The following ACACA variants were observed in gnomAD, a reference collection of about 807,000 sequenced individuals.
ACACA encodes acetyl-CoA carboxylase 1.
A neutral mutation model predicts 296.1 loss-of-function variants in ACACA; 103 were observed. The ratio of observed to expected loss-of-function variants is 0.35; its 90% CI spans 0.30 to 0.41. The LOEUF (loss-of-function observed/expected upper bound fraction) is 0.41. Among genes scored for constraint, ACACA ranks in the 10% least tolerant of loss-of-function variants. The pLI, the probability that ACACA is intolerant of heterozygous loss-of-function variation, is 1.00. For missense variants in ACACA, 1,554 were observed against 2,989.7 expected (o/e 0.52, Z 11.20); for synonymous variants, 953 against 1,038.6 (o/e 0.92, Z 1.58).
intron 25 of ACACA, among the ~76,000 whole-genome samples, chr17:37,232,332 T>C (rs1424544469): frequency 6.6e-6 from 1 of 152,122 alleles, no homozygotes; most frequent in East Asian, 1.9e-4. Context: ...AGCCAAGATA[T>C]GCAAAGAAAG....
chr17:37,404,570 ATTTTTTT>A (rs5820212), intron 1 of ACACA, among the ~76,000 whole-genome samples: 1 of 104,742 alleles, frequency 9.5e-6, no homozygotes, highest in Non-Finnish European at 1.9e-5. Flanking sequence ...TGCCACAGTG[ATTTTTTT>A]TTTTTTTTTT....
intron 52 of ACACA, among the ~76,000 whole-genome samples, chr17:37,108,586 C>G (rs1213781155): frequency 6.6e-6 from 1 of 152,098 alleles, no homozygotes; most frequent in Non-Finnish European, 1.5e-5. Context: ...CGGGGTTTCT[C>G]CATGTTGGTC....
intron 52 of ACACA, among the ~76,000 whole-genome samples, chr17:37,101,442 C>T (rs1203689597): frequency 6.7e-6 from 1 of 149,268 alleles, no homozygotes. Flanking sequence ...CCTTAGGAGT[C>T]TGGTATTCTT....
rs377181848 is a variant in ACACA, at chr17:37,179,326, G to A, written c.5013C>T (p.Tyr1671=). The change falls in exon 41 of 56, where the codon TAC becomes TAT. Residue 1671 remains tyrosine (Y), a synonymous_variant. Transcript: ENST00000616317. ...CTTGATCATCCAGTACCAGTTCAGT[G>A]TAAGTCAGCATGTCAGAAGGCAGAG... ...SPPLPSDMLT[Y]TELVLDDQGQ... The A allele has an allele frequency of 1.8e-5, 29 of 1,614,016 alleles. No individual in the cohort carries two copies. The Admixed American group carries it at 2.8e-4, about 16-fold the overall frequency.
At chr17:37,388,824 A>G in intron 1 of ACACA, 1 of 1,610,462 alleles carries the variant, frequency 6.2e-7, no homozygotes, top group Non-Finnish European at 8.5e-7. Context: ...GAATCCTTGA[A>G]CTTGACCCAT....
intron 43 of ACACA, among the ~76,000 whole-genome samples, chr17:37,152,136 T>C (rs1375391688): frequency 6.6e-6 from 1 of 151,936 alleles, no homozygotes; most frequent in African/African-American, 2.4e-5. Context: ...CACACAGGAG[T>C]GTGACTCTAG....
At chr17:37,216,052 A>G (rs1480614227) in intron 29 of ACACA, among the ~76,000 whole-genome samples, 1 of 150,020 alleles carries the variant, frequency 6.7e-6, no homozygotes, top group East Asian at 1.9e-4. Context: ...AAAAAATGAC[A>G]CATTAAAAAA....
At chr17:37,331,844 T>C (rs1238543161) in intron 2 of ACACA, among the ~76,000 whole-genome samples, 1 of 152,056 alleles carries the variant, frequency 6.6e-6, no homozygotes, top group Admixed American at 6.6e-5. Flanking sequence ...GCCTGGCCTA[T>C]GAATTTTACG....
intron 16 of ACACA, among the ~76,000 whole-genome samples, chr17:37,250,634 C>A (rs2080941185): frequency 6.7e-6 from 1 of 148,620 alleles, no homozygotes. Context: ...AAGGCTCCAT[C>A]TCAAAAAAAA....
intron 1 of ACACA, among the ~76,000 whole-genome samples, chr17:37,399,439 C>T (rs1471027583): frequency 6.6e-6 from 1 of 152,152 alleles, no homozygotes; most frequent in Non-Finnish European, 1.5e-5. Flanking sequence ...GTATAGACTG[C>T]CTGTCACCAA....
Position 37,221,780 on chromosome 17 carries a change from C to T in ACACA, c.3627G>A (p.Lys1209=). The T allele has an allele frequency of 6.2e-7, 1 of 1,614,138 alleles. No individual in the cohort carries two copies. The highest frequency in any genetic ancestry group is 8.5e-7 in the Non-Finnish European group (1 of 1,180,012). ...GGAATTCCACCACACAGGTGTTGTC[C>T]TTAAGCTGGCGGTGTTGTACGCTGT... ...ELNSVQHRQL[K]DNTCVVEFQF... The change falls in exon 29 of 56, where the codon AAG becomes AAA. Residue 1209 remains lysine, a synonymous_variant. Coordinates refer to ENST00000616317, the MANE Select transcript of ACACA (RefSeq NM_198834.3).
chr17:37,346,175 G>T (rs902185099), intron 1 of ACACA, among the ~76,000 whole-genome samples: 2 of 151,946 alleles, frequency 1.3e-5, no homozygotes, highest in Non-Finnish European at 2.9e-5. Flanking sequence ...TGGTTAGCCG[G>T]GCATGGAGGC....
intron 45 of ACACA, among the ~76,000 whole-genome samples, chr17:37,142,009 T>G (rs1270459891): frequency 8.6e-5 from 13 of 151,428 alleles, no homozygotes; most frequent in African/African-American, 3.2e-4. Context: ...TTTGTTTTTT[T>G]TTGTTTTTTT....
At chr17:37,401,904 G>A (rs1206477659) in intron 1 of ACACA, among the ~76,000 whole-genome samples, 5 of 152,110 alleles carry the variant, frequency 3.3e-5, no homozygotes, top group African/African-American at 9.7e-5. Context: ...TAGCAGCTGA[G>A]GACAAACTGT....
intron 1 of ACACA, among the ~76,000 whole-genome samples, chr17:37,403,156 T>A (rs866111498): frequency 2.0e-4 from 30 of 152,202 alleles, no homozygotes; most frequent in African/African-American, 7.2e-4. Context: ...TCCAATGAGC[T>A]GTAGACTTGT....
rs771491638 is a variant in ACACA, at chr17:37,263,802, A to G, written c.1212T>C (p.Tyr404=). The G allele has an allele frequency of 2.5e-6, 4 of 1,613,962 alleles. No individual in the cohort carries two copies. The highest frequency in any genetic ancestry group is 2.7e-5 in the African/African-American group (2 of 74,908). The part of the protein sequence containing the change: ...HLEVQILADQ[Y]GNAISLFGRD... ...GACCAAACAAAGAGATAGCATTGCC[A>G]TATTGGTCCGCTAAGATCTGCACCT... Residue 404 remains tyrosine, a synonymous_variant, in exon 11 of 56, where the codon TAT becomes TAC. Transcript: ENST00000616317.
At chr17:37,281,542 T>C (rs1598394554) in intron 5 of ACACA, among the ~76,000 whole-genome samples, 3 of 152,166 alleles carry the variant, frequency 2.0e-5, no homozygotes, top group African/African-American at 7.2e-5. Context: ...AATAAATGAA[T>C]TAATTGGAGT....
chr17:37,210,751 CAAAAAAAAAAA>C (rs57591064), intron 29 of ACACA, among the ~76,000 whole-genome samples: 9 of 72,408 alleles, frequency 1.2e-4, no homozygotes, highest in African/African-American at 4.4e-4. Flanking sequence ...GCTCTATTAC[CAAAAAAAAAAA>C]AAAAAAAAAA....
At chr17:37,127,551 A>G (rs761878976) in intron 47 of ACACA, among the ~76,000 whole-genome samples, 1 of 152,176 alleles carries the variant, frequency 6.6e-6, no homozygotes, top group African/African-American at 2.4e-5. Context: ...TCATTCCCAG[A>G]AAAGTCCTGC....
Sources: gnomAD v4.1 joint callset for allele counts (sites outside exome capture counted in the v4.1 genomes callset) on GRCh38, gnomAD v4.1.1 for gene constraint, MANE v1.5 for transcripts, NCBI Gene and HGNC (gene_info 2026-07-23, HGNC 2026-07-21) for gene names.